The following ELF2 variants were observed in gnomAD, a reference collection of about 807,000 sequenced individuals.
ELF2 encodes the protein ETS-related transcription factor Elf-2.
In ELF2, 11 loss-of-function variants were observed where a neutral mutation model predicts 54.8. That is an observed-to-expected ratio of 0.20 (90% CI 0.13 to 0.33). ELF2 has a LOEUF of 0.33. Ranked by LOEUF, ELF2 falls within the 10% of genes least tolerant of loss-of-function variation. ELF2 has a pLI of 1.00. For synonymous variants in ELF2, 203 were observed against 245.1 expected, an observed-to-expected ratio of 0.83 and a Z score of 1.61; for missense variants, 513 against 703.0, an observed-to-expected ratio of 0.73 and a Z score of 3.06.
chr4:139,115,949 C>A (rs949794763), intron 4 of ELF2, among the ~76,000 whole-genome samples: 1 of 152,202 alleles, frequency 6.6e-6, no homozygotes, highest in Non-Finnish European at 1.5e-5. Flanking sequence ...TCAAGCGATT[C>A]TCTTGCCTCA....
chr4:139,085,901 C>G (rs1213199749), intron 4 of ELF2, among the ~76,000 whole-genome samples: 1 of 152,150 alleles, frequency 6.6e-6, no homozygotes, highest in Non-Finnish European at 1.5e-5. Flanking sequence ...CACTGCACTC[C>G]AGCTAGTTAT....
chr4:139,151,032 A>AGAAAG (rs1553971300), intron 1 of ELF2, among the ~76,000 whole-genome samples: 17 of 102,528 alleles, frequency 1.7e-4, no homozygotes, highest in African/African-American at 4.6e-4. Flanking sequence ...TCAAAAAAAA[A>AGAAAG]AAAGAAAGAA....
intron 7 of ELF2, chr4:139,066,309 G>A (rs1728698710): frequency 6.6e-6 from 1 of 151,862 alleles, no homozygotes. Context: ...CAGAATCTGA[G>A]TGACAAGAAA....
intron 8 of ELF2, among the ~76,000 whole-genome samples, chr4:139,060,946 T>C (rs1245795557): frequency 6.6e-6 from 1 of 152,198 alleles, no homozygotes; most frequent in Non-Finnish European, 1.5e-5. Context: ...AGAAATAATT[T>C]ACCTTACCGT....
chr4:139,166,395 T>C (rs971988054), intron 1 of ELF2, among the ~76,000 whole-genome samples: 11 of 150,958 alleles, frequency 7.3e-5, no homozygotes, highest in Non-Finnish European at 1.0e-4. Context: ...AAAAAATAAA[T>C]AAGTAAAATT....
chr4:139,061,142 C>T (rs751833068), intron 8 of ELF2, among the ~76,000 whole-genome samples: 15 of 150,682 alleles, frequency 1.0e-4, no homozygotes, highest in Non-Finnish European at 1.8e-4. Context: ...ATGTACTTTA[C>T]AATGAAAGAA....
intron 4 of ELF2, among the ~76,000 whole-genome samples, chr4:139,075,736 A>G (rs1730221229): frequency 6.6e-6 from 1 of 152,156 alleles, no homozygotes; most frequent in South Asian, 2.1e-4. Flanking sequence ...GCAGGTATTT[A>G]TTTTATGTAC....
intron 4 of ELF2, chr4:139,115,273 G>T (rs544243469): frequency 1.7e-5 from 27 of 1,601,968 alleles, no homozygotes; most frequent in Admixed American, 8.5e-5. Flanking sequence ...TGCGGTCCCG[G>T]GGGGGGCTCT....
chr4:139,151,729 A>T (rs908396576), intron 1 of ELF2, among the ~76,000 whole-genome samples: 5 of 152,248 alleles, frequency 3.3e-5, no homozygotes, highest in African/African-American at 1.2e-4. Context: ...TTCCCACCCA[A>T]TATGTGAAAA....
At chr4:139,059,871 A>G (rs1385318452) in intron 9 of ELF2, among the ~76,000 whole-genome samples, 1 of 150,070 alleles carries the variant, frequency 6.7e-6, no homozygotes, top group Non-Finnish European at 1.5e-5. Flanking sequence ...TTTTGGAGAT[A>G]AGGTCTCAGT....
At chr4:139,165,093 A>C (rs555970797) in intron 1 of ELF2, among the ~76,000 whole-genome samples, 24 of 151,958 alleles carry the variant, frequency 1.6e-4, no homozygotes, top group African/African-American at 5.8e-4. Context: ...CAAGAAACAA[A>C]GACTGCATCT....
In ELF2 at chr4:139,061,198, A is replaced by T. The variant is rs889350120; in HGVS notation, c.807-524T>A. ...GATAATTTTTTTTTTTTTTTTTTTG[A>T]GAGTCTCGCTCTGTCACCCAGGCTG... On this transcript the variant is annotated intron_variant, in intron 8 of 9. Transcript: ENST00000686138. 7.7e-3 allele frequency among the ~76,000 whole-genome samples: 956 copies of T among 123,516 alleles called. 12 individuals are homozygous for T. Among genetic ancestry groups the T allele is most frequent in the African/African-American group, 0.028 (905 of 32,466 alleles). 81.0% of individuals were successfully genotyped at this position (123,516 alleles called of 152,430 possible). A position where few individuals can be genotyped will look rare whatever the true frequency, so the allele number is the denominator to read the frequency against.
At chr4:139,089,487 T>C (rs2148752972) in intron 4 of ELF2, among the ~76,000 whole-genome samples, 1 of 152,376 alleles carries the variant, frequency 6.6e-6, no homozygotes, top group African/African-American at 2.4e-5. Flanking sequence ...ATGAGTTTGG[T>C]GTATATTCTT....
chr4:139,162,282 G>A (rs190013745), intron 1 of ELF2, among the ~76,000 whole-genome samples: 1 of 152,230 alleles, frequency 6.6e-6, no homozygotes. Flanking sequence ...ACTTTGGGAG[G>A]CCGAGGAGGG....
At chr4:139,104,206 GA>G (rs1014271565) in intron 4 of ELF2, among the ~76,000 whole-genome samples, 4 of 152,060 alleles carry the variant, frequency 2.6e-5, no homozygotes, top group African/African-American at 9.7e-5. Flanking sequence ...TATACTCAAT[GA>G]AAAAAATATA....
At chr4:139,092,414 T>TAACATAACATA (rs70940488) in intron 4 of ELF2, among the ~76,000 whole-genome samples, 3,706 of 87,646 alleles carry the variant, frequency 0.042, 216 homozygotes, top group Non-Finnish European at 0.047. Flanking sequence ...TAACATAACA[T>TAACATAACATA]ACATAACATA....
chr4:139,170,612 T>C (rs1742196654), intron 1 of ELF2, among the ~76,000 whole-genome samples: 1 of 151,228 alleles, frequency 6.6e-6, no homozygotes, highest in Admixed American at 6.6e-5. Context: ...AAAGAAATAT[T>C]GGCAGATCAT....
intron 6 of ELF2, among the ~76,000 whole-genome samples, chr4:139,071,071 T>G (rs1578692819): frequency 6.6e-6 from 1 of 152,190 alleles, no homozygotes; most frequent in East Asian, 1.9e-4. Flanking sequence ...CTCATGATGT[T>G]GAAAATGTGG....
intron 4 of ELF2, chr4:139,118,031 C>T (rs1560831029): frequency 6.4e-6 from 1 of 156,124 alleles, no homozygotes; most frequent in Non-Finnish European, 1.4e-5. Flanking sequence ...TAAAATGAGA[C>T]TTAAGTATGA....
Sources: gnomAD v4.1 joint callset for allele counts (sites outside exome capture counted in the v4.1 genomes callset) on GRCh38, gnomAD v4.1.1 for gene constraint, MANE v1.5 for transcripts, NCBI Gene and HGNC (gene_info 2026-07-23, HGNC 2026-07-21) for gene names.